Variants in PIK3CD observed in about 807,000 individuals in gnomAD.
PIK3CD encodes the protein phosphatidylinositol-4,5-bisphosphate 3-kinase catalytic subunit delta.
PIK3CD carries 20 observed loss-of-function variants against 122.9 expected under a neutral mutation model. The ratio of observed to expected loss-of-function variants is 0.16; its 90% CI spans 0.11 to 0.24. PIK3CD has a LOEUF of 0.24. Among genes scored for constraint, PIK3CD ranks in the 10% least tolerant of loss-of-function variants. PIK3CD has a pLI of 1.00. For synonymous variants in PIK3CD, 596 were observed against 593.4 expected (o/e 1.00, Z -0.06); for missense variants, 787 against 1,406.3 (o/e 0.56, Z 7.04).
At chr1:9,698,118 A>T in intron 2 of PIK3CD, among the ~76,000 whole-genome samples, 1 of 152,294 alleles carries the variant, frequency 6.6e-6, no homozygotes, top group East Asian at 1.9e-4. Context: ...TATGACATCC[A>T]TATTCATTCA....
At chr1:9,679,259 G>A (rs1452330675) in intron 1 of PIK3CD, among the ~76,000 whole-genome samples, 1 of 151,912 alleles carries the variant, frequency 6.6e-6, no homozygotes, top group Non-Finnish European at 1.5e-5. Flanking sequence ...GTAGAGACGG[G>A]GTTTCACGGT....
intron 6 of PIK3CD, 73 bp from the exon 7 acceptor site, chr1:9,716,886 G>A (rs1431851823): frequency 1.2e-6 from 2 of 1,603,276 alleles, no homozygotes; most frequent in East Asian, 2.2e-5. Context: ...AGCTTGGGGG[G>A]TCCTGGGAAT....
chr1:9,710,638 G>T lies in PIK3CD; in HGVS notation c.141+42G>T. On this transcript the variant is annotated intron_variant, in intron 3 of 23. Transcript: ENST00000377346. This position sits in a 1 kb window ranked among gnomAD's most constrained non-coding sequence, Gnocchi z 4.7. ...GTCCTCAGACCTTGGTGCTCAGAGAGAGAGAGAGAGAGAGAGACACAGATA... is the reference window on the plus strand; with the variant it reads ...GTCCTCAGACCTTGGTGCTCAGAGATAGAGAGAGAGAGAGAGACACAGATA... 4 of 1,574,344 alleles carry T rather than the reference G, an allele frequency of 2.5e-6. No homozygotes were observed. Among genetic ancestry groups the T allele is most frequent in the Non-Finnish European group, 3.5e-6 (4 of 1,146,910 alleles).
Position 9,686,842 on chromosome 1 carries a change from G to C in PIK3CD, c.-137-4625G>C, listed in dbSNP as rs893473874. 1.7e-4 allele frequency among the ~76,000 whole-genome samples: 26 copies of C among 152,200 alleles called. 1 individual carries two copies. Among genetic ancestry groups the C allele is most frequent in the Non-Finnish European group, 4.4e-5 (3 of 68,036 alleles). On this transcript the variant is annotated intron_variant, in intron 1 of 23. Coordinates refer to ENST00000377346, the MANE Select transcript of PIK3CD (RefSeq NM_005026.5). ...CAAGTCACTTGGTCTCCTTGTGTCT[G>C]TTATCCATGTGTGAGAGCCAATACT...
intron 3 of PIK3CD, among the ~76,000 whole-genome samples, chr1:9,712,501 G>A (rs562334568): frequency 5.7e-4 from 87 of 152,040 alleles, no homozygotes; most frequent in African/African-American, 2.0e-3. Flanking sequence ...GGCTGGTCTC[G>A]AACTCCTGAC....
the PIK3CD span, among the ~76,000 whole-genome samples, chr1:9,643,462 G>A: frequency 2.8e-4 from 35 of 123,958 alleles, no homozygotes; most frequent in African/African-American, 9.9e-4. Context: ...AAGGGAGGGA[G>A]GGAGGGAAGG....
intron 2 of PIK3CD, among the ~76,000 whole-genome samples, chr1:9,702,826 A>G (rs1646699227): frequency 6.6e-6 from 1 of 152,074 alleles, no homozygotes; most frequent in Non-Finnish European, 1.5e-5. Flanking sequence ...CGGTCAGGGA[A>G]AGAACTTTCT....
chr1:9,646,221 C>T, the PIK3CD span, among the ~76,000 whole-genome samples: 2 of 152,124 alleles, frequency 1.3e-5, no homozygotes, highest in Non-Finnish European at 2.9e-5. Flanking sequence ...TTTTCTCATC[C>T]GTAAATTGGG....
upstream of PIK3CD, among the ~76,000 whole-genome samples, chr1:9,650,037 G>A (rs76899365): frequency 0.018 from 2,799 of 152,264 alleles, 83 homozygotes; most frequent in African/African-American, 0.064. Context: ...ACCTATGCAT[G>A]GGAATCCCAC....
At chr1:9,716,123 G>C in intron 5 of PIK3CD, 45 bp downstream of exon 5, 1 of 1,471,792 alleles carries the variant, frequency 6.8e-7, no homozygotes, top group African/African-American at 1.4e-5. Context: ...CTCTGTCCAT[G>C]GGGAGCACTT....
upstream of PIK3CD, among the ~76,000 whole-genome samples, chr1:9,647,753 G>A (rs987583526): frequency 6.6e-6 from 1 of 152,082 alleles, no homozygotes; most frequent in African/African-American, 2.4e-5. Flanking sequence ...CTCCCAAAGT[G>A]TTGGAATTCC....
chr1:9,659,894 G>A (rs1386274786), intron 1 of PIK3CD, among the ~76,000 whole-genome samples: 2 of 152,106 alleles, frequency 1.3e-5, no homozygotes, highest in Non-Finnish European at 2.9e-5. Context: ...GGAATTACAG[G>A]TACGCACCAC....
intron 2 of PIK3CD, among the ~76,000 whole-genome samples, chr1:9,706,540 C>A (rs1646839968): frequency 6.6e-6 from 1 of 152,000 alleles, no homozygotes; most frequent in Admixed American, 6.6e-5. Context: ...TACTTTTCAC[C>A]TGTAGATTGG....
At chr1:9,649,392 G>A (rs992883119), upstream of PIK3CD, among the ~76,000 whole-genome samples, 7 of 151,882 alleles carry the variant, frequency 4.6e-5, no homozygotes, top group African/African-American at 4.8e-5. Context: ...CACTAAACCC[G>A]GCTAATTTTT....
chr1:9,722,647 C>A lies in PIK3CD; in HGVS notation c.2426+41C>A. On this transcript the variant is annotated intron_variant, in intron 19 of 23. Coordinates refer to ENST00000377346, the MANE Select transcript of PIK3CD (RefSeq NM_005026.5). The surrounding 1 kb of genome is among the most constrained non-coding windows in gnomAD (Gnocchi z 7.6). The stretch of plus-strand genomic sequence containing the variant: ...CCACATCGTCCCTTGGTGTCTGTGC[C>A]CAGCCTGGGAGTCTGTGCCCCTGGA... 2 of 1,533,004 alleles carry A rather than the reference C, an allele frequency of 1.3e-6. No homozygotes were observed. The highest frequency in any genetic ancestry group is 2.2e-5 in the East Asian group (1 of 44,480). The allele number at this position is 1,533,004 out of a possible 1,614,324, so 95.0% of individuals were successfully genotyped here. A position where few individuals can be genotyped will look rare whatever the true frequency, so the allele number is the denominator to read the frequency against.
At chr1:9,675,749 C>T (rs1173667950) in intron 1 of PIK3CD, among the ~76,000 whole-genome samples, 1 of 149,668 alleles carries the variant, frequency 6.7e-6, no homozygotes, top group Non-Finnish European at 1.5e-5. Flanking sequence ...GGCAGAGTTC[C>T]TTGTTTGTTT....
chr1:9,656,991 G>A (rs1644877007), intron 1 of PIK3CD, among the ~76,000 whole-genome samples: 1 of 150,908 alleles, frequency 6.6e-6, no homozygotes, highest in Admixed American at 6.6e-5. Context: ...CTGGAGGCCA[G>A]AAGTTAAAAA....
At chr1:9,694,259 C>T (rs184951955) in intron 2 of PIK3CD, among the ~76,000 whole-genome samples, 4 of 152,290 alleles carry the variant, frequency 2.6e-5, no homozygotes, top group South Asian at 4.1e-4. Flanking sequence ...TTGCTAGGCA[C>T]GGTGGCTCCC....
Position 9,715,856 on chromosome 1 carries a change from C to G in PIK3CD, c.378C>G (p.His126Gln). Residue 126 changes from histidine to glutamine, a missense_variant, in exon 5 of 24, where the codon CAC (histidine) becomes CAG (glutamine). By Grantham distance (24) the His-to-Gln change is conservative (BLOSUM62 0). Around this residue, in one of 6 missense-constraint regions of PIK3CD, gnomAD observed 592 missense variants for 920.6 expected, o/e 0.64. Coordinates refer to ENST00000377346, the MANE Select transcript of PIK3CD (RefSeq NM_005026.5). The surrounding 1 kb of genome is among the most constrained non-coding windows in gnomAD (Gnocchi z 4.1). ...GCCCTCCCCACCCCGCAGGCCTCCA[C>G]GAGTTTGACTCCTTGTGCGACCCAG... ...QISLLIGKGLHEFDSLCDPEV... is the reference protein window; with the variant it reads ...QISLLIGKGLQEFDSLCDPEV... 1 of 1,612,314 alleles carries G rather than the reference C, an allele frequency of 6.2e-7. No individual in the cohort carries two copies. Among genetic ancestry groups the G allele is most frequent in the Non-Finnish European group, 8.5e-7 (1 of 1,179,700 alleles).
Sources: gnomAD v4.1 joint callset for allele counts (sites outside exome capture counted in the v4.1 genomes callset) on GRCh38, gnomAD v4.1.1 for gene constraint, gnomAD v4.1.1 regional missense constraint, Gnocchi (gnomAD v3.1) non-coding constraint, MANE v1.5 for transcripts, NCBI Gene and HGNC (gene_info 2026-07-23, HGNC 2026-07-21) for gene names.